Variants in SMARCAD1 observed in about 807,000 individuals in gnomAD.
The protein encoded by SMARCAD1 is SWI/SNF-related matrix-associated actin-dependent regulator of chromatin subfamily A containing DEAD/H box 1.
A neutral mutation model predicts 127.1 loss-of-function variants in SMARCAD1; 25 were observed. The ratio of observed to expected loss-of-function variants is 0.20; its 90% CI spans 0.14 to 0.27. SMARCAD1 has a LOEUF of 0.27. SMARCAD1 is among the 10% of genes least tolerant of loss of function. The probability of loss-of-function intolerance (pLI) is 1.00; values close to 1 mark genes in which losing one functional copy is unlikely to be tolerated. For synonymous variants in SMARCAD1, 400 were observed against 396.9 expected, an observed-to-expected ratio of 1.01 and a Z score of -0.09; for missense variants, 807 against 1,206.0, an observed-to-expected ratio of 0.67 and a Z score of 4.90.
At chr4:94,261,321 CTG>C (rs1225132134) in intron 9 of SMARCAD1, among the ~76,000 whole-genome samples, 1 of 152,076 alleles carries the variant, frequency 6.6e-6, no homozygotes, top group Non-Finnish European at 1.5e-5. Context: ...AAAATATTGA[CTG>C]TTATTTATCA....
intron 4 of SMARCAD1, among the ~76,000 whole-genome samples, chr4:94,234,493 C>T (rs1746333199): frequency 6.6e-6 from 1 of 152,130 alleles, no homozygotes; most frequent in Non-Finnish European, 1.5e-5. Flanking sequence ...TGCCCTGAAG[C>T]CAGCGATGCT....
intron 11 of SMARCAD1, 123 bp downstream of exon 11, chr4:94,270,941 A>G (rs1560557671): frequency 2.7e-6 from 2 of 751,338 alleles, no homozygotes; most frequent in Non-Finnish European, 4.7e-6. Context: ...TCAGTACCTT[A>G]TATTTTATCT....
At chr4:94,264,465 T>C in intron 9 of SMARCAD1, 1 of 348,320 alleles carries the variant, frequency 2.9e-6, no homozygotes, top group Non-Finnish European at 5.2e-6. Context: ...ATTATGCATT[T>C]TTTGAGGTAA....
At chr4:94,283,597 G>A (rs942109882) in intron 22 of SMARCAD1, among the ~76,000 whole-genome samples, 3 of 152,136 alleles carry the variant, frequency 2.0e-5, no homozygotes, top group Non-Finnish European at 4.4e-5. Flanking sequence ...AGACTGAGGC[G>A]GGCGGATCAT....
In SMARCAD1 at chr4:94,264,656, T is replaced by C. The variant is rs762187616; in HGVS notation, c.1282-51T>C. 7.9e-6 allele frequency: 12 copies of C among 1,518,926 alleles called. No individual in the cohort carries two copies. The Admixed American group carries it at 2.3e-4, about 29-fold the overall frequency. 94.1% of individuals were successfully genotyped at this position (1,518,926 alleles called of 1,614,324 possible). A position where few individuals can be genotyped will look rare whatever the true frequency, so the allele number is the denominator to read the frequency against. ...CCTCATAAAGAAATCAGGATTGCCT[T>C]TCTCTTTCCTAGATCTGAACTATTC... is the stretch of plus-strand genomic sequence containing the variant. On this transcript the variant is annotated intron_variant, in intron 9 of 23. Coordinates refer to ENST00000354268, the MANE Select transcript of SMARCAD1 (RefSeq NM_020159.5).
intron 11 of SMARCAD1, among the ~76,000 whole-genome samples, chr4:94,272,683 T>C (rs1448649573): frequency 6.6e-6 from 1 of 152,208 alleles, no homozygotes; most frequent in Non-Finnish European, 1.5e-5. Flanking sequence ...TTTTTTTGTT[T>C]CTGTTTTTGT....
intron 2 of SMARCAD1, among the ~76,000 whole-genome samples, chr4:94,223,757 TTTTA>T (rs1178223541): frequency 3.7e-5 from 2 of 54,722 alleles, no homozygotes; most frequent in Non-Finnish European, 4.4e-5. Context: ...TTTTTTTTTT[TTTTA>T]AAGTAGAGAC....
chr4:94,275,921 C>G (rs369631512), intron 14 of SMARCAD1, among the ~76,000 whole-genome samples: 35 of 151,596 alleles, frequency 2.3e-4, no homozygotes, highest in African/African-American at 8.0e-4. Context: ...CCTCAGCCTC[C>G]TGAATAGCTG....
intron 5 of SMARCAD1, among the ~76,000 whole-genome samples, chr4:94,239,503 A>G (rs1190615379): frequency 1.3e-5 from 2 of 152,000 alleles, no homozygotes; most frequent in African/African-American, 4.8e-5. Flanking sequence ...ACTCTACTTC[A>G]GAAGATAAGA....
rs1373315990 is a variant in SMARCAD1, at chr4:94,264,704, T to C, written c.1282-3T>C. The C allele has an allele frequency of 1.2e-6, 2 of 1,609,530 alleles. No individual in the cohort carries two copies. Among genetic ancestry groups the C allele is most frequent in the African/African-American group, 1.3e-5 (1 of 74,802 alleles). Reference sequence around the variant, plus strand: ...TTCAATTATTTTTCTTTTTATGCTATAGTTCACAAAGATGTCCAAAACTAA... The same window carrying C: ...TTCAATTATTTTTCTTTTTATGCTACAGTTCACAAAGATGTCCAAAACTAA... On this transcript the variant is annotated splice_polypyrimidine_tract_variant and splice_region_variant and intron_variant, in intron 9 of 23. Coordinates refer to ENST00000354268, the MANE Select transcript of SMARCAD1 (RefSeq NM_020159.5).
chr4:94,291,072 A>G lies in SMARCAD1; in HGVS notation c.*1538A>G. On this transcript the variant is annotated 3_prime_UTR_variant, in exon 24 of 24. Coordinates refer to ENST00000354268, the MANE Select transcript of SMARCAD1 (RefSeq NM_020159.5). ...ACCTCCTTGTACATCACTATACCCA[A>G]ATCAGTTATTCAAATTGTTAGGAAT... is the stretch of plus-strand genomic sequence containing the variant. The G allele has an allele frequency of 2.2e-6, 1 of 447,254 alleles. No individual in the cohort carries two copies. The highest frequency in any genetic ancestry group is 1.6e-5 in the South Asian group (1 of 62,502). 27.7% of individuals were successfully genotyped at this position (447,254 alleles called of 1,614,324 possible). A position where few individuals can be genotyped will look rare whatever the true frequency, so the allele number is the denominator to read the frequency against.
intron 4 of SMARCAD1, among the ~76,000 whole-genome samples, chr4:94,235,232 T>A (rs77131730): frequency 1.2e-5 from 1 of 82,918 alleles, no homozygotes; most frequent in Non-Finnish European, 2.7e-5. Flanking sequence ...ACCAATCCTT[T>A]TTTTTTTTTT....
rs1388766277 is a variant in SMARCAD1, at chr4:94,276,825, A to G, written c.1945-197A>G. The stretch of plus-strand genomic sequence containing the variant: ...GTTACCTACTTATAAAAGAAGACCA[A>G]TGGTTTTCGTATTCATTGCTGTTGA... On this transcript the variant is annotated intron_variant, in intron 15 of 23. Coordinates refer to ENST00000354268, the MANE Select transcript of SMARCAD1 (RefSeq NM_020159.5). 8.5e-5 allele frequency among the ~76,000 whole-genome samples: 13 copies of G among 152,328 alleles called. No individual in the cohort carries two copies. The East Asian group carries it at 1.7e-3, about 20-fold the overall frequency.
intron 23 of SMARCAD1, among the ~76,000 whole-genome samples, chr4:94,287,088 TCTC>T (rs1203975933): frequency 6.6e-6 from 1 of 152,162 alleles, no homozygotes; most frequent in Non-Finnish European, 1.5e-5. Flanking sequence ...ATGGTCTTGA[TCTC>T]CTGACCTCGT....
intron 11 of SMARCAD1, among the ~76,000 whole-genome samples, chr4:94,272,651 G>T (rs1752702490): frequency 6.6e-6 from 1 of 151,912 alleles, no homozygotes; most frequent in African/African-American, 2.4e-5. Context: ...AGATCTATCT[G>T]TGTTCTTATA....
chr4:94,283,064 T>C, intron 21 of SMARCAD1, 57 bp from the exon 22 acceptor site: 1 of 1,429,260 alleles, frequency 7.0e-7, no homozygotes, highest in South Asian at 1.2e-5. Context: ...TGTTTTCCAT[T>C]TTAATTACAT....
intron 2 of SMARCAD1, among the ~76,000 whole-genome samples, chr4:94,222,896 G>A (rs150964570): frequency 0.021 from 3,154 of 152,148 alleles, 105 homozygotes; most frequent in African/African-American, 0.071. Flanking sequence ...CCCGGGAGGC[G>A]GAGGTTGCAG....
At chr4:94,255,729 A>G (rs1749975177) in intron 9 of SMARCAD1, among the ~76,000 whole-genome samples, 1 of 137,806 alleles carries the variant, frequency 7.3e-6, no homozygotes, top group Non-Finnish European at 1.6e-5. Context: ...CTCATTTTAC[A>G]TGAGGAAAAT....
intron 2 of SMARCAD1, among the ~76,000 whole-genome samples, chr4:94,224,903 T>C (rs1326168101): frequency 6.6e-6 from 1 of 152,218 alleles, no homozygotes; most frequent in Non-Finnish European, 1.5e-5. Context: ...AGAGAATTAA[T>C]GACAGCTATC....
Sources: gnomAD v4.1 joint callset for allele counts (sites outside exome capture counted in the v4.1 genomes callset) on GRCh38, gnomAD v4.1.1 for gene constraint, MANE v1.5 for transcripts, NCBI Gene and HGNC (gene_info 2026-07-23, HGNC 2026-07-21) for gene names.